The following NHSL1 variants were observed in gnomAD, a reference collection of about 807,000 sequenced individuals.
NHSL1 encodes the protein NHS like 1, also known as NHS-like protein 1.
Under a neutral mutation model 95.0 loss-of-function variants are expected in NHSL1, and 48 were observed. The ratio of observed to expected loss-of-function variants is 0.51; its 90% confidence interval spans 0.40 to 0.64. The LOEUF is 0.64. Ranked by LOEUF, NHSL1 falls within the 30% of genes least tolerant of loss-of-function variation. The probability of loss-of-function intolerance (pLI) is 0.00; values close to 1 mark genes in which losing one functional copy is unlikely to be tolerated. For synonymous variants in NHSL1, 783 were observed against 833.9 expected (o/e 0.94, Z 1.05); for missense variants, 1,971 against 2,077.7 (o/e 0.95, Z 1.00).
chr6:138,670,382 A>AAAG (rs1785349032), intron 1 of NHSL1, among the ~76,000 whole-genome samples: 1 of 151,652 alleles, frequency 6.6e-6, no homozygotes, highest in South Asian at 2.1e-4. Flanking sequence ...AAAAAAAAAA[A>AAAG]AAGGCCGGGC....
intron 1 of NHSL1, among the ~76,000 whole-genome samples, chr6:138,683,716 A>G (rs1785542462): frequency 6.6e-6 from 1 of 152,234 alleles, no homozygotes; most frequent in South Asian, 2.1e-4. Flanking sequence ...AATCCTGGAG[A>G]CAGCCCTGGC....
At chr6:138,495,520 C>T (rs536001155) in intron 2 of NHSL1, among the ~76,000 whole-genome samples, 3 of 152,262 alleles carry the variant, frequency 2.0e-5, no homozygotes, top group East Asian at 1.9e-4. Context: ...GTTTTGAATA[C>T]TTACAATGGT....
At position 138,433,486 on chromosome 6, in the gene NHSL1, T is replaced by C. The variant is rs544153365; in HGVS notation, c.859A>G (p.Ile287Val). 1.3e-6 allele frequency: 2 copies of C among 1,552,150 alleles called. No homozygotes were observed. The highest frequency in any genetic ancestry group is 1.4e-5 in the African/African-American group (1 of 73,174). ...RRIRAQKGQGIAAQMGHFSGS... is the reference protein window; with the variant it reads ...RRIRAQKGQGVAAQMGHFSGS... ...GAGAAGTGGCCCATCTGGGCAGCAATGCCTTGCCCCTTCTGTGCCCTGATT... is the reference window on the plus strand; with the variant it reads ...GAGAAGTGGCCCATCTGGGCAGCAACGCCTTGCCCCTTCTGTGCCCTGATT... Residue 287 changes from isoleucine to valine, a missense_variant, in exon 6 of 8, where the codon ATT becomes GTT. Ile to Val is a conservative substitution (Grantham distance 29). This residue lies in a region of NHSL1 where 1,602 missense variants were observed against 1,654.5 expected (regional missense o/e 0.97). Transcript: ENST00000343505.
intron 1 of NHSL1, among the ~76,000 whole-genome samples, chr6:138,566,774 G>A (rs1783635087): frequency 6.6e-6 from 1 of 151,754 alleles, no homozygotes; most frequent in Admixed American, 6.6e-5. Context: ...AACTTCAGAA[G>A]AAAAAATAAT....
chr6:138,591,248 G>C (rs961188994), intron 1 of NHSL1, among the ~76,000 whole-genome samples: 1 of 152,008 alleles, frequency 6.6e-6, no homozygotes, highest in African/African-American at 2.4e-5. Context: ...TTAAGTTGCA[G>C]AAAAAAGGGA....
At chr6:138,464,715 C>CTT (rs1157342436) in intron 3 of NHSL1, among the ~76,000 whole-genome samples, 15 of 119,020 alleles carry the variant, frequency 1.3e-4, no homozygotes, top group African/African-American at 2.8e-4. Context: ...TTTTTCTTTT[C>CTT]TTTTTTTTTT....
chr6:138,654,338 G>A (rs895249405), intron 1 of NHSL1, among the ~76,000 whole-genome samples: 2 of 152,118 alleles, frequency 1.3e-5, no homozygotes, highest in African/African-American at 4.8e-5. Context: ...CTGTTATTAG[G>A]ACTGCAATTT....
At chr6:138,555,481 A>G (rs1218049123) in intron 1 of NHSL1, among the ~76,000 whole-genome samples, 1 of 152,190 alleles carries the variant, frequency 6.6e-6, no homozygotes, top group African/African-American at 2.4e-5. Flanking sequence ...AAGTTACTCA[A>G]CTGTCTCTAG....
rs79383995 is a variant in NHSL1 at position 138,445,873 on chromosome 6, C to T, written c.532+1128G>A. ...GCCCTGCTTTGTATGACTTGATTAT[C>T]AATGACCACTATTAGTCATCTGCTT... On this transcript the variant is annotated intron_variant, in intron 4 of 7. Transcript: ENST00000343505. Among the ~76,000 whole-genome samples the T allele has an allele frequency of 9.3e-3, 1,413 of 152,258 alleles. 24 individuals are homozygous for T. The highest frequency in any genetic ancestry group is 0.032 in the African/African-American group (1,341 of 41,544).
chr6:138,615,574 G>A (rs1363559143), intron 1 of NHSL1, among the ~76,000 whole-genome samples: 1 of 152,188 alleles, frequency 6.6e-6, no homozygotes, highest in Admixed American at 6.5e-5. Context: ...AGGTTCAAGC[G>A]ATTCTCCTGC....
chr6:138,522,239 C>T (rs1230926317), intron 1 of NHSL1, among the ~76,000 whole-genome samples: 1 of 152,164 alleles, frequency 6.6e-6, no homozygotes, highest in Non-Finnish European at 1.5e-5. Flanking sequence ...CCCTGAAGGA[C>T]ATGTGAAGTC....
At chr6:138,558,876 T>TA (rs1399327381) in intron 1 of NHSL1, among the ~76,000 whole-genome samples, 4 of 151,966 alleles carry the variant, frequency 2.6e-5, no homozygotes, top group East Asian at 1.9e-4. Context: ...ACCCCTTCTC[T>TA]ACAAAAAAAC....
intron 4 of NHSL1, among the ~76,000 whole-genome samples, chr6:138,446,185 G>A (rs1333223842): frequency 3.3e-5 from 5 of 151,928 alleles, no homozygotes; most frequent in African/African-American, 9.7e-5. Context: ...TTACACGCAC[G>A]TGCCACCACG....
At chr6:138,464,069 G>A (rs2128237318) in intron 3 of NHSL1, 1 of 435,718 alleles carries the variant, frequency 2.3e-6, no homozygotes, top group South Asian at 3.2e-5. Context: ...GAATGAGGGG[G>A]TGAGCAAGAT....
At chr6:138,469,684 C>T (rs1778628793) in intron 3 of NHSL1, among the ~76,000 whole-genome samples, 1 of 152,062 alleles carries the variant, frequency 6.6e-6, no homozygotes, top group Non-Finnish European at 1.5e-5. Context: ...GTGACTGCGC[C>T]ACTGCACTCC....
intron 7 of NHSL1, among the ~76,000 whole-genome samples, chr6:138,429,018 A>G (rs1775449068): frequency 6.6e-6 from 1 of 152,238 alleles, no homozygotes; most frequent in Admixed American, 6.5e-5. Flanking sequence ...TGCAGTAAGT[A>G]AAACTTCAGT....
At chr6:138,592,937 C>A (rs964949717) in intron 1 of NHSL1, among the ~76,000 whole-genome samples, 2 of 152,164 alleles carry the variant, frequency 1.3e-5, no homozygotes, top group Non-Finnish European at 2.9e-5. Flanking sequence ...TGCCCACAGC[C>A]TTATAAATCA....
chr6:138,469,593 T>C (rs925809319), intron 3 of NHSL1, among the ~76,000 whole-genome samples: 10 of 152,006 alleles, frequency 6.6e-5, no homozygotes, highest in Non-Finnish European at 1.3e-4. Flanking sequence ...GGCGTGGTGA[T>C]GTGTACCTGT....
intron 7 of NHSL1, among the ~76,000 whole-genome samples, chr6:138,426,560 G>A (rs1459799520): frequency 6.6e-6 from 1 of 152,204 alleles, no homozygotes; most frequent in African/African-American, 2.4e-5. Flanking sequence ...GTCAGGCATA[G>A]AGCAGGTGCT....
Sources: gnomAD v4.1 joint callset for allele counts (sites outside exome capture counted in the v4.1 genomes callset) on GRCh38, gnomAD v4.1.1 for gene constraint, gnomAD v4.1.1 regional missense constraint, MANE v1.5 for transcripts, NCBI Gene and HGNC (gene_info 2026-07-23, HGNC 2026-07-21) for gene names.